The following CA10 variants were observed in gnomAD, a reference collection of about 807,000 sequenced individuals.
CA10 encodes the protein carbonic anhydrase 10 (inactive).
A neutral mutation model predicts 44.2 loss-of-function variants in CA10; 14 were observed. That is an observed-to-expected ratio of 0.32 (90% CI 0.21 to 0.50). The LOEUF is 0.50. Ranked by LOEUF, CA10 falls within the 20% of genes least tolerant of loss-of-function variation. The probability of loss-of-function intolerance (pLI) is 0.99; values close to 1 mark genes in which losing one functional copy is unlikely to be tolerated. For synonymous variants in CA10, 159 were observed against 141.6 expected, an observed-to-expected ratio of 1.12 and a Z score of -0.87; for missense variants, 350 against 409.7, an observed-to-expected ratio of 0.85 and a Z score of 1.26.
intron 3 of CA10, among the ~76,000 whole-genome samples, chr17:51,919,537 G>T (rs1468780621): frequency 2.0e-5 from 3 of 152,184 alleles, no homozygotes; most frequent in Non-Finnish European, 4.4e-5. Context: ...CCCATGTTTA[G>T]ATGGATGGTA....
chr17:52,154,419 T>C (rs747295949), intron 1 of CA10, among the ~76,000 whole-genome samples: 3 of 152,190 alleles, frequency 2.0e-5, no homozygotes, highest in Non-Finnish European at 2.9e-5. Flanking sequence ...TTATTATGAA[T>C]AAACTGACAA....
At chr17:51,717,107 T>C (rs1916136855) in intron 4 of CA10, among the ~76,000 whole-genome samples, 1 of 152,168 alleles carries the variant, frequency 6.6e-6, no homozygotes, top group South Asian at 2.1e-4. Context: ...TCCTGAGTGA[T>C]AGGAGTGCTA....
chr17:51,756,527 C>T (rs1294586306), intron 3 of CA10, among the ~76,000 whole-genome samples: 2 of 141,512 alleles, frequency 1.4e-5, no homozygotes, highest in East Asian at 2.1e-4. Context: ...AGTGCAGTGG[C>T]GCCATCTCGG....
At chr17:51,741,693 T>C (rs555538783) in intron 4 of CA10, among the ~76,000 whole-genome samples, 1 of 152,344 alleles carries the variant, frequency 6.6e-6, no homozygotes, top group Non-Finnish European at 1.5e-5. Context: ...GTGCATGGCA[T>C]GCAAAGATGA....
chr17:52,104,345 G>T (rs1256694804), intron 1 of CA10, among the ~76,000 whole-genome samples: 3 of 152,100 alleles, frequency 2.0e-5, no homozygotes, highest in Non-Finnish European at 4.4e-5. Context: ...TGGGACTACA[G>T]GTATGCGTCA....
intron 3 of CA10, chr17:51,761,315 G>A (rs1239957598): frequency 6.6e-6 from 1 of 152,206 alleles, no homozygotes; most frequent in East Asian, 1.9e-4. Context: ...GAGCAGCCAA[G>A]TGACAGTTGC....
At chr17:51,790,859 A>T (rs1315974574) in intron 3 of CA10, among the ~76,000 whole-genome samples, 1 of 152,238 alleles carries the variant, frequency 6.6e-6, no homozygotes, top group East Asian at 1.9e-4. Flanking sequence ...TTTGCAGTAC[A>T]TCACCACCTT....
chr17:51,972,961 G>T (rs569268930), intron 2 of CA10, among the ~76,000 whole-genome samples: 2 of 152,270 alleles, frequency 1.3e-5, no homozygotes, highest in East Asian at 3.9e-4. Context: ...TCAGGCTGAT[G>T]TGGTCAAATT....
chr17:51,920,060 G>C (rs1274335068), intron 3 of CA10, among the ~76,000 whole-genome samples: 1 of 152,112 alleles, frequency 6.6e-6, no homozygotes, highest in African/African-American at 2.4e-5. Flanking sequence ...TCTCTTGTAG[G>C]AATTCATCTG....
chr17:51,689,410 C>T lies in CA10; in HGVS notation c.466-35674G>A, dbSNP rs35540670. ...CATTCTTTTTTCATGGCATCAAACA[C>T]GCCCAATGATTTTGAATGAATGAAT... On this transcript the variant is annotated intron_variant, in intron 4 of 8. Coordinates refer to ENST00000451037, the MANE Select transcript of CA10 (RefSeq NM_020178.5). Among the ~76,000 whole-genome samples, 803 of 152,180 alleles carry T rather than the reference C, an allele frequency of 5.3e-3. 8 individuals are homozygous for T. Among genetic ancestry groups the T allele is most frequent in the Non-Finnish European group, 5.8e-3 (396 of 68,006 alleles).
At chr17:52,076,741 C>G (rs1447063005) in intron 1 of CA10, among the ~76,000 whole-genome samples, 1 of 152,126 alleles carries the variant, frequency 6.6e-6, no homozygotes, top group Non-Finnish European at 1.5e-5. Flanking sequence ...GATGGATCTC[C>G]TAGAGAAATA....
At chr17:52,102,747 A>G (rs1226929471) in intron 1 of CA10, among the ~76,000 whole-genome samples, 1 of 152,222 alleles carries the variant, frequency 6.6e-6, no homozygotes, top group African/African-American at 2.4e-5. Context: ...AATAAACTCT[A>G]TACAATTTTA....
chr17:51,651,790 C>CGA (rs1913576686), intron 5 of CA10, among the ~76,000 whole-genome samples: 1 of 152,124 alleles, frequency 6.6e-6, no homozygotes, highest in Non-Finnish European at 1.5e-5. Context: ...GGACCAAGGC[C>CGA]GAGACACTCT....
intron 1 of CA10, among the ~76,000 whole-genome samples, chr17:52,141,158 G>A (rs1313926810): frequency 6.6e-6 from 1 of 152,284 alleles, no homozygotes; most frequent in East Asian, 1.9e-4. Flanking sequence ...CCTTAGGGGA[G>A]GGTGACTTTC....
chr17:51,888,638 A>G (rs983343583), intron 3 of CA10, among the ~76,000 whole-genome samples: 1 of 152,212 alleles, frequency 6.6e-6, no homozygotes, highest in Non-Finnish European at 1.5e-5. Flanking sequence ...TGGAAATGAC[A>G]TAATCTCTGG....
Position 51,630,574 on chromosome 17 carries a change from A to AATG in CA10, c.*1007_*1009dup, listed in dbSNP as rs1396452790. ...CTCAGGCTGAAGCTCACCTCATGTG[A>AATG]ATGATTGAGCCATGGAGTGGAATTA... On this transcript the variant is annotated 3_prime_UTR_variant, in exon 9 of 9. Coordinates refer to ENST00000451037, the MANE Select transcript of CA10 (RefSeq NM_020178.5). 2 of 152,630 alleles carry AATG rather than the reference A, an allele frequency of 1.3e-5. No homozygotes were observed. Among genetic ancestry groups the AATG allele is most frequent in the Non-Finnish European group, 2.9e-5 (2 of 68,048 alleles). 9.5% of individuals were successfully genotyped at this position (152,630 alleles called of 1,614,324 possible). A position where few individuals can be genotyped will look rare whatever the true frequency, so the allele number is the denominator to read the frequency against.
intron 4 of CA10, among the ~76,000 whole-genome samples, chr17:51,740,718 C>T (rs1021301734): frequency 5.3e-5 from 8 of 152,184 alleles, no homozygotes; most frequent in Non-Finnish European, 8.8e-5. Flanking sequence ...ATGCTGCTTC[C>T]GCTCTTCCTT....
At chr17:51,910,060 A>C (rs1981725888) in intron 3 of CA10, among the ~76,000 whole-genome samples, 2 of 152,102 alleles carry the variant, frequency 1.3e-5, no homozygotes, top group Non-Finnish European at 2.9e-5. Context: ...CTGGTGACTG[A>C]AGCTGTTTAA....
intron 3 of CA10, among the ~76,000 whole-genome samples, chr17:51,791,788 T>C (rs1906526553): frequency 6.6e-6 from 1 of 152,232 alleles, no homozygotes; most frequent in African/African-American, 2.4e-5. Context: ...TTACTATTCA[T>C]AGAATTCTTT....
Sources: gnomAD v4.1 joint callset for allele counts (sites outside exome capture counted in the v4.1 genomes callset) on GRCh38, gnomAD v4.1.1 for gene constraint, MANE v1.5 for transcripts, NCBI Gene and HGNC (gene_info 2026-07-23, HGNC 2026-07-21) for gene names.